NLK: variants seen among roughly 807,000 people sequenced by gnomAD.
NLK encodes the protein serine/threonine-protein kinase NLK.
A neutral mutation model predicts 59.0 loss-of-function variants in NLK; 11 were observed. That is an observed-to-expected ratio of 0.19 (90% CI 0.12 to 0.31). NLK has a LOEUF of 0.31. Among genes scored for constraint, NLK ranks in the 10% least tolerant of loss-of-function variants. NLK has a pLI of 1.00. For missense variants in NLK, 410 were observed against 661.1 expected (o/e 0.62, Z 4.16); for synonymous variants, 235 against 235.9 (o/e 1.00, Z 0.03).
chr17:28,161,949 C>G (rs1018081684), intron 4 of NLK, among the ~76,000 whole-genome samples: 3 of 152,032 alleles, frequency 2.0e-5, no homozygotes, highest in Non-Finnish European at 2.9e-5. Flanking sequence ...TCCCCCTGCC[C>G]CAGAATTCAT....
chr17:28,082,711 C>T (rs756476451), intron 1 of NLK, among the ~76,000 whole-genome samples: 7 of 152,190 alleles, frequency 4.6e-5, no homozygotes, highest in Non-Finnish European at 8.8e-5. Flanking sequence ...TTTGTCTTCA[C>T]TAAAGCCTGT....
intron 1 of NLK, among the ~76,000 whole-genome samples, chr17:28,076,032 A>G (rs764648721): frequency 2.3e-4 from 35 of 152,196 alleles, no homozygotes; most frequent in Non-Finnish European, 3.7e-4. Flanking sequence ...TATGTCTTAA[A>G]TGAGGTGAGT....
chr17:28,180,837 C>A (rs1214198652), intron 7 of NLK, among the ~76,000 whole-genome samples: 1 of 152,176 alleles, frequency 6.6e-6, no homozygotes, highest in African/African-American at 2.4e-5. Flanking sequence ...AAAAAAAATT[C>A]TTGTGTAAAA....
intron 1 of NLK, among the ~76,000 whole-genome samples, chr17:28,076,806 A>G (rs1252367690): frequency 2.6e-5 from 4 of 152,124 alleles, no homozygotes; most frequent in Admixed American, 1.3e-4. Context: ...AGTTTTTTAA[A>G]CATCTGTCCT....
At chr17:28,066,192 C>T (rs1193730971) in intron 1 of NLK, among the ~76,000 whole-genome samples, 1 of 152,164 alleles carries the variant, frequency 6.6e-6, no homozygotes. Flanking sequence ...AACCTCATCC[C>T]TAAATTCAAC....
intron 3 of NLK, among the ~76,000 whole-genome samples, chr17:28,135,513 G>C (rs1354605364): frequency 6.6e-6 from 1 of 152,156 alleles, no homozygotes; most frequent in African/African-American, 2.4e-5. Context: ...CAAAGCCCCA[G>C]GTATACTAAG....
At chr17:28,088,700 G>A (rs934281756) in intron 1 of NLK, among the ~76,000 whole-genome samples, 1 of 152,038 alleles carries the variant, frequency 6.6e-6, no homozygotes, top group Non-Finnish European at 1.5e-5. Flanking sequence ...GAGTCCTTTT[G>A]ACATAACCCT....
chr17:28,092,779 T>TTTATTTTATG (rs1904545899), intron 1 of NLK, among the ~76,000 whole-genome samples: 1 of 149,400 alleles, frequency 6.7e-6, no homozygotes, highest in South Asian at 2.1e-4. Context: ...TTTATTTTAT[T>TTTATTTTATG]TTATTTTATT....
intron 1 of NLK, among the ~76,000 whole-genome samples, chr17:28,109,557 A>G (rs1190125631): frequency 6.6e-6 from 1 of 152,190 alleles, no homozygotes; most frequent in East Asian, 1.9e-4. Context: ...AATCACTGAA[A>G]TGTTCTGTCT....
chr17:28,048,547 T>C (rs548601909), intron 1 of NLK: 7 of 152,324 alleles, frequency 4.6e-5, no homozygotes, highest in African/African-American at 1.7e-4. Context: ...TCATATGCTA[T>C]ACCAGAACAA....
chr17:28,049,980 CAAAA>C (rs912128222), intron 1 of NLK, among the ~76,000 whole-genome samples: 2 of 152,056 alleles, frequency 1.3e-5, no homozygotes, highest in African/African-American at 4.8e-5. Context: ...AACTGTGTCT[CAAAA>C]AATATATATA....
At chr17:28,132,569 T>A in intron 2 of NLK, 51 bp from the exon 3 acceptor site, 1 of 1,404,924 alleles carries the variant, frequency 7.1e-7, no homozygotes, top group Non-Finnish European at 9.9e-7. Context: ...TATGTCGAAT[T>A]TTGTTTCCTT....
intron 3 of NLK, among the ~76,000 whole-genome samples, chr17:28,157,232 C>T (rs1006729790): frequency 3.9e-5 from 6 of 152,086 alleles, no homozygotes; most frequent in African/African-American, 1.4e-4. Context: ...TGCTCTGTCA[C>T]CCAGGCTGGA....
chr17:28,078,609 C>T (rs1248646158), intron 1 of NLK, among the ~76,000 whole-genome samples: 1 of 152,172 alleles, frequency 6.6e-6, no homozygotes, highest in Non-Finnish European at 1.5e-5. Context: ...TAGCCAGTTT[C>T]ACCCACTTTC....
At chr17:28,192,750 G>A (rs1275407700) in intron 10 of NLK, among the ~76,000 whole-genome samples, 3 of 151,926 alleles carry the variant, frequency 2.0e-5, no homozygotes, top group Admixed American at 6.6e-5. Flanking sequence ...TTTTTTCCCC[G>A]GATGACCATT....
intron 1 of NLK, among the ~76,000 whole-genome samples, chr17:28,052,412 A>C (rs758608258): frequency 6.6e-6 from 1 of 152,174 alleles, no homozygotes; most frequent in Admixed American, 6.5e-5. Context: ...TTTGGATAAG[A>C]GAGTTACTAG....
chr17:28,111,509 G>A (rs1905477347), intron 1 of NLK, among the ~76,000 whole-genome samples: 1 of 152,132 alleles, frequency 6.6e-6, no homozygotes, highest in South Asian at 2.1e-4. Context: ...TTTTCCCCGA[G>A]TATGGGCCAC....
intron 2 of NLK, among the ~76,000 whole-genome samples, chr17:28,131,386 A>G (rs1314463555): frequency 6.6e-6 from 1 of 151,820 alleles, no homozygotes; most frequent in Non-Finnish European, 1.5e-5. Context: ...GATCATTGCA[A>G]TTTTTAACCT....
intron 3 of NLK, among the ~76,000 whole-genome samples, chr17:28,143,737 G>A (rs553928709): frequency 7.2e-5 from 11 of 152,312 alleles, no homozygotes; most frequent in African/African-American, 2.4e-4. Flanking sequence ...GACTTCAGTT[G>A]AGCAGGGAAG....
Sources: allele counts gnomAD v4.1 joint callset (sites outside exome capture counted in the v4.1 genomes callset), GRCh38; gene constraint gnomAD v4.1.1; transcripts MANE v1.5; gene names NCBI Gene and HGNC (gene_info 2026-07-23, HGNC 2026-07-21).